The following NCOA1 variants were observed in gnomAD, a reference collection of about 807,000 sequenced individuals.
The protein encoded by NCOA1 is nuclear receptor coactivator 1.
In NCOA1, 35 loss-of-function variants were observed where a neutral mutation model predicts 150.9. The observed-to-expected ratio is 0.23, with a 90% CI of 0.18 to 0.31. The LOEUF (loss-of-function observed/expected upper bound fraction) is 0.31, where lower values mean the gene tolerates loss of function less well. Among genes scored for constraint, NCOA1 ranks in the 10% least tolerant of loss-of-function variants. The pLI is 1.00. For synonymous variants in NCOA1, 590 were observed against 630.0 expected, an observed-to-expected ratio of 0.94 and a Z score of 0.95; for missense variants, 1,491 against 1,749.3, an observed-to-expected ratio of 0.85 and a Z score of 2.63.
intron 3 of NCOA1, among the ~76,000 whole-genome samples, chr2:24,611,783 A>G (rs189726634): frequency 2.6e-5 from 4 of 151,694 alleles, no homozygotes; most frequent in Admixed American, 2.0e-4. Context: ...TCTTTCTCCA[A>G]CCCTTTACTT....
At chr2:24,495,092 G>GT (rs200403397) in intron 1 of NCOA1, among the ~76,000 whole-genome samples, 3,536 of 103,278 alleles carry the variant, frequency 0.034, 158 homozygotes, top group Admixed American at 0.055. Flanking sequence ...AGATGAAGGT[G>GT]TTTTTTTTTT....
At chr2:24,750,505 A>T (rs1008267959) in intron 19 of NCOA1, among the ~76,000 whole-genome samples, 1 of 152,230 alleles carries the variant, frequency 6.6e-6, no homozygotes, top group African/African-American at 2.4e-5. Context: ...ATAAAAAGGA[A>T]TAGCCTACTG....
In NCOA1 at chr2:24,756,090, A is replaced by T. The variant is rs1364692362; in HGVS notation, c.3882-1883A>T. ...CTCTACTAAAAAAAAAAAAAAAAAA[A>T]AAAAGAATACAAAATTAGCTGGGCG... On this transcript the variant is annotated intron_variant, in intron 20 of 22. Transcript: ENST00000348332. Among the ~76,000 whole-genome samples, 5 of 143,324 alleles carry T rather than the reference A, an allele frequency of 3.5e-5. 1 individual carries two copies. In the South Asian group the frequency reaches 6.6e-4, roughly 19 times the overall value. 94.0% of individuals were successfully genotyped at this position (143,324 alleles called of 152,430 possible).
At chr2:24,552,423 A>C (rs1327900682) in intron 1 of NCOA1, among the ~76,000 whole-genome samples, 1 of 124,414 alleles carries the variant, frequency 8.0e-6, no homozygotes, top group Non-Finnish European at 1.6e-5. Context: ...CTGGAGTGCA[A>C]TGGCATGATC....
chr2:24,511,117 ACTT>A (rs1663919172), intron 1 of NCOA1, among the ~76,000 whole-genome samples: 2 of 151,952 alleles, frequency 1.3e-5, no homozygotes, highest in Admixed American at 6.6e-5. Flanking sequence ...CTTTTGTCTG[ACTT>A]CTTTCACTTA....
intron 2 of NCOA1, among the ~76,000 whole-genome samples, chr2:24,567,525 A>G (rs1446983134): frequency 6.6e-6 from 1 of 152,208 alleles, no homozygotes; most frequent in Non-Finnish European, 1.5e-5. Context: ...GGAAGACTAG[A>G]TACACCCATC....
At chr2:24,717,767 A>G (rs1674121570) in intron 14 of NCOA1, among the ~76,000 whole-genome samples, 1 of 152,216 alleles carries the variant, frequency 6.6e-6, no homozygotes, top group South Asian at 2.1e-4. Flanking sequence ...TTGGCTTATC[A>G]GTTCTAACAA....
At position 24,707,370 on chromosome 2, in the gene NCOA1, G is replaced by C; in HGVS notation, c.1900G>C (p.Val634Leu). The change falls in exon 13 of 23, where the codon GTG (valine) becomes CTG (leucine). Residue 634 changes from valine to leucine, a missense_variant. Transcript: ENST00000348332. ...ATACTCTCAAACCAGTCACAAACTA[G>C]TGCAGCTTTTGACAACAACTGCCGA... ...SKYSQTSHKL[V>L]QLLTTTAEQQ... The C allele has an allele frequency of 1.2e-6, 2 of 1,614,226 alleles. No individual in the cohort carries two copies. The highest frequency in any genetic ancestry group is 1.7e-6 in the Non-Finnish European group (2 of 1,180,048).
intron 14 of NCOA1, among the ~76,000 whole-genome samples, chr2:24,715,843 A>G (rs188204860): frequency 2.6e-4 from 40 of 152,278 alleles, no homozygotes; most frequent in Non-Finnish European, 4.0e-4. Flanking sequence ...TGTAATCCCA[A>G]TAACAATCCC....
intron 8 of NCOA1, among the ~76,000 whole-genome samples, chr2:24,689,742 C>T (rs1220283629): frequency 6.6e-6 from 1 of 152,156 alleles, no homozygotes; most frequent in Non-Finnish European, 1.5e-5. Context: ...GAGAGTTTTC[C>T]TAATAATTAG....
chr2:24,533,410 T>C (rs553496542), intron 1 of NCOA1, among the ~76,000 whole-genome samples: 23 of 152,268 alleles, frequency 1.5e-4, no homozygotes, highest in Non-Finnish European at 3.2e-4. Flanking sequence ...AATTTGACTT[T>C]CTCTTTTCCT....
At chr2:24,529,759 G>C (rs960892519) in intron 1 of NCOA1, among the ~76,000 whole-genome samples, 3 of 152,074 alleles carry the variant, frequency 2.0e-5, no homozygotes, top group African/African-American at 7.2e-5. Context: ...ATTCTCTTTA[G>C]TACTGGCATA....
At chr2:24,510,317 G>A (rs549436509) in intron 1 of NCOA1, among the ~76,000 whole-genome samples, 1 of 152,324 alleles carries the variant, frequency 6.6e-6, no homozygotes, top group Non-Finnish European at 1.5e-5. Flanking sequence ...AAAGTGCTGG[G>A]ATTACAGGTG....
intron 1 of NCOA1, among the ~76,000 whole-genome samples, chr2:24,551,422 T>C (rs953240399): frequency 1.3e-5 from 2 of 152,356 alleles, no homozygotes; most frequent in Admixed American, 6.5e-5. Context: ...TTTACATTTT[T>C]ATAACACTAT....
chr2:24,505,778 G>T (rs1383915889), intron 1 of NCOA1, among the ~76,000 whole-genome samples: 1 of 152,208 alleles, frequency 6.6e-6, no homozygotes, highest in Non-Finnish European at 1.5e-5. Flanking sequence ...GGATGGCCGT[G>T]TGATGACCTG....
At chr2:24,748,971 C>T (rs1341424795) in intron 19 of NCOA1, among the ~76,000 whole-genome samples, 3 of 152,112 alleles carry the variant, frequency 2.0e-5, no homozygotes, top group Admixed American at 6.5e-5. Flanking sequence ...CTTTTTTCTG[C>T]ACCTTTATAA....
intron 2 of NCOA1, among the ~76,000 whole-genome samples, chr2:24,569,458 G>A (rs1666645143): frequency 6.7e-6 from 1 of 150,162 alleles, no homozygotes; most frequent in Non-Finnish European, 1.5e-5. Context: ...TGTTAAGGAT[G>A]AAATATGAGG....
At chr2:24,738,410 C>G (rs940419775) in intron 17 of NCOA1, among the ~76,000 whole-genome samples, 5 of 152,008 alleles carry the variant, frequency 3.3e-5, no homozygotes, top group African/African-American at 1.2e-4. Context: ...ATGTTTTAAG[C>G]TATACATTGT....
rs765517244 is a variant in NCOA1, at chr2:24,729,564, A to G, written c.2950A>G (p.Met984Val). 1.2e-6 allele frequency: 2 copies of G among 1,614,174 alleles called. No individual in the cohort carries two copies. The highest frequency in any genetic ancestry group is 2.2e-5 in the South Asian group (2 of 91,088). Reference sequence around the variant, plus strand: ...ACAACAAGCAACGCCACCTTTGATCATGGAAGAAAGACCCAACCTTTATTC... The same window carrying G: ...ACAACAAGCAACGCCACCTTTGATCGTGGAAGAAAGACCCAACCTTTATTC... Reference protein sequence around the residue: ...PPQQATPPLIMEERPNLYSQP... With the variant: ...PPQQATPPLIVEERPNLYSQP... Residue 984 changes from methionine (M) to valine (V), a missense_variant, in exon 17 of 23, where the codon ATG becomes GTG. Met to Val is a conservative substitution (Grantham distance 21). This residue lies in a region of NCOA1 where 485 missense variants were observed against 522.8 expected (regional missense o/e 0.93). Coordinates refer to ENST00000348332, the MANE Select transcript of NCOA1 (RefSeq NM_003743.5).
Sources: gnomAD v4.1 joint callset for allele counts (sites outside exome capture counted in the v4.1 genomes callset) on GRCh38, gnomAD v4.1.1 for gene constraint, gnomAD v4.1.1 regional missense constraint, MANE v1.5 for transcripts, NCBI Gene and HGNC (gene_info 2026-07-23, HGNC 2026-07-21) for gene names.